Variants in UBL3 observed in about 807,000 individuals in gnomAD.
UBL3 encodes ubiquitin-like protein 3.
A neutral mutation model predicts 18.4 loss-of-function variants in UBL3; 6 were observed. The ratio of observed to expected loss-of-function variants is 0.33; its 90% CI spans 0.18 to 0.64. The LOEUF is 0.64. UBL3 is among the 30% of genes least tolerant of loss of function. The pLI, the probability that UBL3 is intolerant of heterozygous loss-of-function variation, is 0.76. For synonymous variants in UBL3, 49 were observed against 46.6 expected (o/e 1.05, Z -0.21); for missense variants, 109 against 142.9 (o/e 0.76, Z 1.21).
rs552074310 is a variant in UBL3 at position 29,798,161 on chromosome 13, A to AT, written c.28-20899dup. The stretch of plus-strand genomic sequence containing the variant: ...CTGCCTCAGCCTCCGGAGTAGCTAG[A>AT]TTACAGGCACCCATCCCCATGCTCA... On this transcript the variant is annotated intron_variant, in intron 1 of 4. Coordinates refer to ENST00000380680, the MANE Select transcript of UBL3 (RefSeq NM_007106.4). Among the ~76,000 whole-genome samples the AT allele has an allele frequency of 7.6e-4, 115 of 152,006 alleles. 4 individuals are homozygous for AT. The South Asian group carries it at 0.023, about 31-fold the overall frequency.
intron 1 of UBL3, among the ~76,000 whole-genome samples, chr13:29,798,099 C>T (rs1362530524): frequency 1.3e-5 from 2 of 151,698 alleles, no homozygotes; most frequent in Non-Finnish European, 1.5e-5. Flanking sequence ...GATCTTGGCT[C>T]GCTGCAACCT....
At chr13:29,800,305 T>C (rs1006284850) in intron 1 of UBL3, among the ~76,000 whole-genome samples, 1 of 152,210 alleles carries the variant, frequency 6.6e-6, no homozygotes, top group East Asian at 1.9e-4. Flanking sequence ...AATTTCAGCC[T>C]CTTATTTCTC....
intron 1 of UBL3, among the ~76,000 whole-genome samples, chr13:29,793,840 T>C (rs1256614978): frequency 2.0e-5 from 3 of 152,204 alleles, no homozygotes; most frequent in Non-Finnish European, 1.5e-5. Context: ...ATTTCTTCTA[T>C]TGGCTTTTCT....
chr13:29,775,329 A>C (rs141573931), intron 2 of UBL3, among the ~76,000 whole-genome samples: 63 of 151,934 alleles, frequency 4.1e-4, no homozygotes, highest in African/African-American at 1.4e-3. Flanking sequence ...GCATTATAAT[A>C]AAAATAATTT....
chr13:29,839,658 T>A (rs990100012), intron 1 of UBL3, among the ~76,000 whole-genome samples: 5 of 152,178 alleles, frequency 3.3e-5, no homozygotes, highest in Admixed American at 1.3e-4. Flanking sequence ...CCGGGCGCAG[T>A]GGCTCACGCC....
At chr13:29,768,413 C>A (rs1876747788) in intron 3 of UBL3, among the ~76,000 whole-genome samples, 1 of 151,986 alleles carries the variant, frequency 6.6e-6, no homozygotes, top group African/African-American at 2.4e-5. Flanking sequence ...AAATTAGAAG[C>A]AGCTGGTATA....
chr13:29,767,540 A>G, intron 4 of UBL3, 78 bp downstream of exon 4: 1 of 1,483,828 alleles, frequency 6.7e-7, no homozygotes. Flanking sequence ...TTCCCTCAGC[A>G]TATCCAAGAA....
intron 1 of UBL3, among the ~76,000 whole-genome samples, chr13:29,818,946 A>G (rs1878355816): frequency 6.6e-6 from 1 of 152,136 alleles, no homozygotes; most frequent in Non-Finnish European, 1.5e-5. Context: ...AATTGCTGCT[A>G]ATTTTTAAGG....
At chr13:29,828,530 G>T (rs934012711) in intron 1 of UBL3, among the ~76,000 whole-genome samples, 1 of 152,070 alleles carries the variant, frequency 6.6e-6, no homozygotes, top group Non-Finnish European at 1.5e-5. Flanking sequence ...GCTCCATCAG[G>T]TCATTTAAGG....
At chr13:29,837,463 C>T (rs537585368) in intron 1 of UBL3, among the ~76,000 whole-genome samples, 41 of 152,246 alleles carry the variant, frequency 2.7e-4, no homozygotes, top group Non-Finnish European at 5.3e-4. Context: ...TAGAAAATCT[C>T]TAGGCTTACG....
intron 1 of UBL3, among the ~76,000 whole-genome samples, chr13:29,809,869 C>T (rs1299805953): frequency 6.6e-6 from 1 of 152,098 alleles, no homozygotes; most frequent in Non-Finnish European, 1.5e-5. Context: ...CTTTAAATCA[C>T]TCTAAATTAC....
chr13:29,849,608 C>G lies in UBL3; in HGVS notation c.-70G>C, dbSNP rs1044141589. ...AAAGAAAAAAGAGCAGAAGTCTTCACGTTACAGAAATAAACCACGATTTTG... is the reference window on the plus strand; with the variant it reads ...AAAGAAAAAAGAGCAGAAGTCTTCAGGTTACAGAAATAAACCACGATTTTG... On this transcript the variant is annotated 5_prime_UTR_variant, in exon 1 of 5. Coordinates refer to ENST00000380680, the MANE Select transcript of UBL3 (RefSeq NM_007106.4). 1.3e-5 allele frequency: 21 copies of G among 1,591,006 alleles called. No homozygotes were observed. In the South Asian group the frequency reaches 2.0e-4, roughly 15 times the overall value.
At chr13:29,772,409 C>T (rs1229057599) in intron 2 of UBL3, among the ~76,000 whole-genome samples, 1 of 151,998 alleles carries the variant, frequency 6.6e-6, no homozygotes, top group African/African-American at 2.4e-5. Flanking sequence ...CAAAAAGACT[C>T]GTTTTGCTTC....
At chr13:29,845,922 G>C (rs1879217244) in intron 1 of UBL3, among the ~76,000 whole-genome samples, 1 of 151,954 alleles carries the variant, frequency 6.6e-6, no homozygotes, top group African/African-American at 2.4e-5. Flanking sequence ...TATAATTTTA[G>C]TCCAAAGCTC....
chr13:29,814,667 T>C (rs562517206), intron 1 of UBL3, among the ~76,000 whole-genome samples: 111 of 152,194 alleles, frequency 7.3e-4, no homozygotes, highest in Admixed American at 4.6e-3. Flanking sequence ...CATAAGCTAA[T>C]GAGATAGACC....
rs980255797 is a variant in UBL3 at position 29,764,710 on chromosome 13, A to G, written c.*2545T>C. 3.9e-5 allele frequency: 6 copies of G among 152,244 alleles called. No individual in the cohort carries two copies. Among genetic ancestry groups the G allele is most frequent in the African/African-American group, 1.4e-4 (6 of 41,458 alleles). The allele number at this position is 152,244 out of a possible 1,614,324, so 9.4% of individuals were successfully genotyped here. A position where few individuals can be genotyped will look rare whatever the true frequency, so the allele number is the denominator to read the frequency against. ...AAGTTCAGGACAATTTAGGTAAAAG[A>G]GATGAGTGAGACACCAGCGTTAGGC... On this transcript the variant is annotated 3_prime_UTR_variant, in exon 5 of 5. Transcript: ENST00000380680.
intron 1 of UBL3, among the ~76,000 whole-genome samples, chr13:29,805,932 T>A (rs1877886633): frequency 6.6e-6 from 1 of 152,172 alleles, no homozygotes; most frequent in Non-Finnish European, 1.5e-5. Flanking sequence ...ATCCCAGCAC[T>A]TTGGAGGCCA....
chr13:29,842,287 A>T lies in UBL3; in HGVS notation c.27+7225T>A, dbSNP rs189159820. Among the ~76,000 whole-genome samples the T allele has an allele frequency of 3.4e-3, 519 of 152,074 alleles. 1 individual carries two copies. The highest frequency in any genetic ancestry group is 0.012 in the African/African-American group (493 of 41,456). ...ATTCTCCTGCCTCAGCCTCCGGAGT[A>T]GCTGCGATTACAGACGCCTGCCACA... On this transcript the variant is annotated intron_variant, in intron 1 of 4. Transcript: ENST00000380680.
chr13:29,810,510 G>A (rs1024264197), intron 1 of UBL3, among the ~76,000 whole-genome samples: 1 of 152,084 alleles, frequency 6.6e-6, no homozygotes, highest in Non-Finnish European at 1.5e-5. Context: ...TGTTTAAAAG[G>A]CCAGATGCTG....
Sources: allele counts gnomAD v4.1 joint callset (sites outside exome capture counted in the v4.1 genomes callset), GRCh38; gene constraint gnomAD v4.1.1; transcripts MANE v1.5; gene names NCBI Gene and HGNC (gene_info 2026-07-23, HGNC 2026-07-21).